SCMH1: variants seen among roughly 807,000 people sequenced by gnomAD.
SCMH1 encodes the protein Scm polycomb group protein homolog 1, also known as polycomb protein SCMH1.
In SCMH1, 37 loss-of-function variants were observed where a neutral mutation model predicts 70.8. That is an observed-to-expected ratio of 0.52 (90% confidence interval 0.40 to 0.69). The LOEUF is 0.69. Ranked by LOEUF, SCMH1 falls within the 30% of genes least tolerant of loss-of-function variation. The pLI is 0.00. For missense variants in SCMH1, 607 were observed against 827.3 expected, an observed-to-expected ratio of 0.73 and a Z score of 3.27; for synonymous variants, 292 against 307.4, an observed-to-expected ratio of 0.95 and a Z score of 0.52.
At position 41,230,469 on chromosome 1, in the gene SCMH1, G is replaced by T. The variant is rs563479773; in HGVS notation, c.-118+11590C>A. ...AGGAGTTCAAGACTAGCTTGGGCAA[G>T]ATGGCAAGACTTTATCCCTATAAAA... On this transcript the variant is annotated intron_variant, in intron 1 of 14. Coordinates refer to ENST00000337495, the Ensembl canonical transcript of SCMH1. Among the ~76,000 whole-genome samples, 7 of 152,068 alleles carry T rather than the reference G, an allele frequency of 4.6e-5. No individual in the cohort carries two copies. The South Asian group carries it at 1.5e-3, about 32-fold the overall frequency.
At chr1:41,240,688 A>C (rs920534793) in intron 1 of SCMH1, among the ~76,000 whole-genome samples, 1 of 152,076 alleles carries the variant, frequency 6.6e-6, no homozygotes, top group Admixed American at 6.5e-5. Context: ...GAAACCCCCA[A>C]ATTTCCACAA....
intron 1 of SCMH1, among the ~76,000 whole-genome samples, chr1:41,217,422 G>C (rs777618909): frequency 6.6e-6 from 1 of 152,148 alleles, no homozygotes; most frequent in Non-Finnish European, 1.5e-5. Flanking sequence ...AAGCAAAAAA[G>C]GAACAGCACT....
At position 41,113,390 on chromosome 1, in the gene SCMH1, C is replaced by A; in HGVS notation, c.638G>T (p.Gly213Val). The A allele has an allele frequency of 6.2e-7, 1 of 1,614,010 alleles. No homozygotes were observed. The change falls in exon 8 of 15, where the codon GGG becomes GTG. Residue 213 changes from glycine to valine, a missense_variant. Transcript: ENST00000337495. This position sits in a 1 kb window ranked among gnomAD's most constrained non-coding sequence, Gnocchi z 4.3. ...CCAGTAGTCAAAGGCCCCTCGCCAC[C>A]CATCAAAAGTGACAAGCACCTCTGA...
intron 4 of SCMH1, among the ~76,000 whole-genome samples, chr1:41,153,818 C>T (rs370930444): frequency 6.6e-6 from 1 of 152,154 alleles, no homozygotes. Flanking sequence ...TGTTTGGACA[C>T]CTATTGTAAT....
At chr1:41,042,777 A>C (rs535230418) in intron 12 of SCMH1, among the ~76,000 whole-genome samples, 1 of 152,206 alleles carries the variant, frequency 6.6e-6, no homozygotes, top group Non-Finnish European at 1.5e-5. Context: ...ACAGGGATGG[A>C]GTCTGTCTCA....
chr1:41,142,737 T>G, intron 6 of SCMH1, 141 bp downstream of exon 6: 1 of 656,968 alleles, frequency 1.5e-6, no homozygotes, highest in Non-Finnish European at 2.6e-6. Context: ...GCTTGTTTCA[T>G]TTTGGGTGGG....
chr1:41,223,844 T>C (rs1659750423), intron 1 of SCMH1, among the ~76,000 whole-genome samples: 2 of 152,186 alleles, frequency 1.3e-5, no homozygotes, highest in Non-Finnish European at 2.9e-5. Flanking sequence ...TGCAAGGCTA[T>C]CAAAGTGGTT....
intron 9 of SCMH1, among the ~76,000 whole-genome samples, chr1:41,070,984 T>A (rs1344259918): frequency 1.3e-5 from 2 of 152,162 alleles, no homozygotes; most frequent in East Asian, 3.8e-4. Flanking sequence ...AGATTCAATA[T>A]TATCATATGA....
intron 8 of SCMH1, among the ~76,000 whole-genome samples, chr1:41,105,102 C>T (rs1194636679): frequency 1.3e-5 from 2 of 151,874 alleles, no homozygotes; most frequent in African/African-American, 2.4e-5. Context: ...ATTACAGATG[C>T]CCACCATCAT....
chr1:41,208,231 T>A (rs1026543446), intron 1 of SCMH1, among the ~76,000 whole-genome samples: 7 of 104,946 alleles, frequency 6.7e-5, no homozygotes, highest in African/African-American at 1.1e-4. Context: ...AACAATGAGA[T>A]CACATGGACA....
chr1:41,151,571 A>T, intron 5 of SCMH1, 43 bp downstream of exon 5: 1 of 1,506,282 alleles, frequency 6.6e-7, no homozygotes, highest in Non-Finnish European at 9.1e-7. Flanking sequence ...CCATAAAAAA[A>T]TGACTTATCT....
At chr1:41,102,611 G>A (rs1415136361) in intron 8 of SCMH1, among the ~76,000 whole-genome samples, 1 of 152,196 alleles carries the variant, frequency 6.6e-6, no homozygotes, top group African/African-American at 2.4e-5. Flanking sequence ...AATCTGCAGA[G>A]AGTGGGGGAA....
intron 1 of SCMH1, among the ~76,000 whole-genome samples, chr1:41,226,854 T>A (rs1156236483): frequency 6.6e-6 from 1 of 152,182 alleles, no homozygotes; most frequent in Admixed American, 6.5e-5. Context: ...CAAGGAAGGA[T>A]TCCCTAAGGA....
At chr1:41,090,828 A>T (rs1407966423) in intron 8 of SCMH1, among the ~76,000 whole-genome samples, 1 of 152,090 alleles carries the variant, frequency 6.6e-6, no homozygotes, top group Non-Finnish European at 1.5e-5. Context: ...TCATGAGGTC[A>T]GGAGATCGAG....
chr1:41,031,369 A>C (rs1357831062), intron 13 of SCMH1, among the ~76,000 whole-genome samples: 1 of 152,092 alleles, frequency 6.6e-6, no homozygotes, highest in Non-Finnish European at 1.5e-5. Context: ...AAAAGGGCCT[A>C]ATATTTAACT....
intron 8 of SCMH1, among the ~76,000 whole-genome samples, chr1:41,105,248 G>A (rs1277935303): frequency 6.6e-6 from 1 of 152,070 alleles, no homozygotes; most frequent in Admixed American, 6.6e-5. Flanking sequence ...ACAGGCATGA[G>A]CCACTGTGCC....
intron 9 of SCMH1, among the ~76,000 whole-genome samples, chr1:41,073,215 ACAC>A (rs1313275363): frequency 2.6e-5 from 4 of 152,162 alleles, no homozygotes; most frequent in Non-Finnish European, 4.4e-5. Flanking sequence ...CCCTGATGAA[ACAC>A]CTCTAGTTAT....
intron 1 of SCMH1, among the ~76,000 whole-genome samples, chr1:41,220,649 C>T (rs1331971456): frequency 6.6e-6 from 1 of 152,220 alleles, no homozygotes; most frequent in African/African-American, 2.4e-5. Context: ...CTTCTACATG[C>T]TAGGCCAATG....
At position 41,113,562 on chromosome 1, in the gene SCMH1, A is replaced by C; in HGVS notation, c.502-36T>G. On this transcript the variant is annotated intron_variant, in intron 7 of 14. Coordinates refer to ENST00000337495, the Ensembl canonical transcript of SCMH1. The surrounding 1 kb of genome is among the most constrained non-coding windows in gnomAD (Gnocchi z 4.3). ...AACAGAAACATACACACCTAGACACAAAGAGAGGCCATTATGCCAATAGAC... is the reference window on the plus strand; with the variant it reads ...AACAGAAACATACACACCTAGACACCAAGAGAGGCCATTATGCCAATAGAC... 1 of 1,580,164 alleles carries C rather than the reference A, an allele frequency of 6.3e-7. No homozygotes were observed.
Sources: allele counts gnomAD v4.1 joint callset (sites outside exome capture counted in the v4.1 genomes callset), GRCh38; gene constraint gnomAD v4.1.1; non-coding constraint Gnocchi (gnomAD v3.1); transcripts MANE v1.5; gene names NCBI Gene and HGNC (gene_info 2026-07-23, HGNC 2026-07-21).